Variants in GALNT1 observed in about 807,000 individuals in gnomAD.
GALNT1 encodes GalNAc transferase 1.
In GALNT1, 17 loss-of-function variants were observed where a neutral mutation model predicts 65.7. That is an observed-to-expected ratio of 0.26 (90% confidence interval 0.18 to 0.39). The LOEUF (loss-of-function observed/expected upper bound fraction) is 0.39. GALNT1 is among the 10% of genes least tolerant of loss of function. The probability of loss-of-function intolerance (pLI) is 1.00; values close to 1 mark genes in which losing one functional copy is unlikely to be tolerated. For synonymous variants in GALNT1, 210 were observed against 219.7 expected (o/e 0.96, Z 0.39); for missense variants, 460 against 672.8 (o/e 0.68, Z 3.50).
At chr18:35,626,216 T>C (rs1469808817) in intron 1 of GALNT1, among the ~76,000 whole-genome samples, 1 of 152,230 alleles carries the variant, frequency 6.6e-6, no homozygotes, top group Non-Finnish European at 1.5e-5. Flanking sequence ...CTCACTTTGT[T>C]GTCTCTCCTT....
At chr18:35,691,983 C>G (rs554455632) in intron 8 of GALNT1, among the ~76,000 whole-genome samples, 198 bp from the exon 9 acceptor site, 1 of 152,282 alleles carries the variant, frequency 6.6e-6, no homozygotes, top group Non-Finnish European at 1.5e-5. Flanking sequence ...TCATTTTTCT[C>G]TGAAAAATTA....
chr18:35,601,795 T>G (rs1172578561), intron 1 of GALNT1, among the ~76,000 whole-genome samples: 1 of 152,222 alleles, frequency 6.6e-6, no homozygotes, highest in African/African-American at 2.4e-5. Flanking sequence ...AAATGTGAGT[T>G]AGGTCCCTTT....
Position 35,639,890 on chromosome 18 carries a change from G to A in GALNT1, c.-103-14670G>A, listed in dbSNP as rs371532971. 2.0e-5 allele frequency among the ~76,000 whole-genome samples: 3 copies of A among 152,196 alleles called. 1 individual carries two copies. Among genetic ancestry groups the A allele is most frequent in the African/African-American group, 2.4e-5 (1 of 41,522 alleles). ...CAGCTCACTGCAACCTCCACCTCCC[G>A]GGTTCAAGCAATTCTCCTGCCTCAG... is the stretch of plus-strand genomic sequence containing the variant. On this transcript the variant is annotated intron_variant, in intron 1 of 11. Coordinates refer to ENST00000269195, the MANE Select transcript of GALNT1 (RefSeq NM_020474.4).
chr18:35,648,483 A>G (rs1439739394), intron 1 of GALNT1, among the ~76,000 whole-genome samples: 1 of 152,242 alleles, frequency 6.6e-6, no homozygotes, highest in African/African-American at 2.4e-5. Context: ...CCCCATCATA[A>G]GTCGAGAAGC....
At chr18:35,640,273 C>T (rs964952613) in intron 1 of GALNT1, among the ~76,000 whole-genome samples, 1 of 152,146 alleles carries the variant, frequency 6.6e-6, no homozygotes, top group Non-Finnish European at 1.5e-5. Flanking sequence ...TACTAGAAAT[C>T]TTCGCAAGGT....
At chr18:35,653,321 T>C (rs932517265) in intron 1 of GALNT1, among the ~76,000 whole-genome samples, 2 of 152,260 alleles carry the variant, frequency 1.3e-5, no homozygotes, top group Non-Finnish European at 2.9e-5. Flanking sequence ...GGTTGCTCTC[T>C]AGCAACCTTG....
intron 3 of GALNT1, chr18:35,664,560 T>C (rs1047365380): frequency 6.6e-6 from 1 of 152,232 alleles, no homozygotes; most frequent in African/African-American, 2.4e-5. Flanking sequence ...TACCGTATGC[T>C]ATGTACTAGA....
intron 1 of GALNT1, among the ~76,000 whole-genome samples, chr18:35,585,184 C>G (rs2046366073): frequency 6.6e-6 from 1 of 151,996 alleles, no homozygotes; most frequent in African/African-American, 2.4e-5. Context: ...TCAGAGTTAC[C>G]CTCCACATTT....
chr18:35,678,781 AT>A (rs891852928), intron 4 of GALNT1, among the ~76,000 whole-genome samples: 1 of 152,192 alleles, frequency 6.6e-6, no homozygotes, highest in Non-Finnish European at 1.5e-5. Flanking sequence ...ATCTGCTATG[AT>A]TTAGTTAAGT....
intron 2 of GALNT1, among the ~76,000 whole-genome samples, chr18:35,655,136 G>A (rs2047365273): frequency 6.6e-6 from 1 of 152,096 alleles, no homozygotes; most frequent in Non-Finnish European, 1.5e-5. Context: ...CCAAAATGCT[G>A]AGTGGAGCAT....
At chr18:35,662,591 T>G (rs1190194781) in intron 2 of GALNT1, among the ~76,000 whole-genome samples, 1 of 151,334 alleles carries the variant, frequency 6.6e-6, no homozygotes, top group Admixed American at 6.6e-5. Flanking sequence ...ATGGCTTTTC[T>G]GCTGCCTTGA....
intron 1 of GALNT1, among the ~76,000 whole-genome samples, chr18:35,601,580 A>G (rs1037980716): frequency 3.9e-5 from 6 of 152,098 alleles, no homozygotes; most frequent in African/African-American, 1.4e-4. Context: ...ATTTCTATAA[A>G]TATCCCATAG....
Position 35,709,918 on chromosome 18 carries a change from C to A in GALNT1, c.*148C>A. On this transcript the variant is annotated 3_prime_UTR_variant, in exon 12 of 12. Coordinates refer to ENST00000269195, the MANE Select transcript of GALNT1 (RefSeq NM_020474.4). The stretch of plus-strand genomic sequence containing the variant: ...TTATCAGCCATTAAAACTTAGACTT[C>A]TCTAGCTTTTCACTAGCTGTGAACC... The A allele has an allele frequency of 1.1e-6, 1 of 905,826 alleles. No individual in the cohort carries two copies. The highest frequency in any genetic ancestry group is 2.8e-5 in the Admixed American group (1 of 35,236). The allele number at this position is 905,826 out of a possible 1,614,324, so 56.1% of individuals were successfully genotyped here.
chr18:35,653,969 A>G (rs1268553256), intron 1 of GALNT1, among the ~76,000 whole-genome samples: 2 of 152,202 alleles, frequency 1.3e-5, no homozygotes, highest in Admixed American at 1.3e-4. Context: ...ATTCAGTGTG[A>G]AAGAGGAACG....
At chr18:35,595,648 T>C (rs2046496002) in intron 1 of GALNT1, among the ~76,000 whole-genome samples, 1 of 152,196 alleles carries the variant, frequency 6.6e-6, no homozygotes. Flanking sequence ...TAAAAAATAC[T>C]CTTGGCAGAG....
intron 1 of GALNT1, among the ~76,000 whole-genome samples, chr18:35,602,243 C>T (rs1235747074): frequency 3.9e-5 from 6 of 152,126 alleles, no homozygotes; most frequent in Non-Finnish European, 1.5e-5. Flanking sequence ...TGAATTAGAG[C>T]TCCTTTGCAT....
intron 1 of GALNT1, chr18:35,597,516 C>T (rs1379452302): frequency 6.6e-6 from 1 of 152,188 alleles, no homozygotes; most frequent in Non-Finnish European, 1.5e-5. Context: ...TAGTGCTTTT[C>T]TCAGTAGAAT....
intron 9 of GALNT1, among the ~76,000 whole-genome samples, chr18:35,694,059 A>G (rs2048013227): frequency 6.6e-6 from 1 of 152,206 alleles, no homozygotes; most frequent in African/African-American, 2.4e-5. Flanking sequence ...AATACTGCAG[A>G]GAAATTGAGG....
intron 9 of GALNT1, among the ~76,000 whole-genome samples, chr18:35,694,751 A>T (rs1286291185): frequency 6.6e-6 from 1 of 152,168 alleles, no homozygotes; most frequent in East Asian, 1.9e-4. Flanking sequence ...CAAAGTAAAA[A>T]ACTCCTCCTT....
Sources: allele counts gnomAD v4.1 joint callset (sites outside exome capture counted in the v4.1 genomes callset), GRCh38; gene constraint gnomAD v4.1.1; transcripts MANE v1.5; gene names NCBI Gene and HGNC (gene_info 2026-07-23, HGNC 2026-07-21).